Variants in SLC9A9 observed in about 807,000 individuals in gnomAD.
SLC9A9 encodes the protein sodium/hydrogen exchanger 9.
In SLC9A9, 62 loss-of-function variants were observed where a neutral mutation model predicts 77.8. The ratio of observed to expected loss-of-function variants is 0.80; its 90% CI spans 0.65 to 0.98. The LOEUF (loss-of-function observed/expected upper bound fraction) is 0.98, where lower values mean the gene tolerates loss of function less well. SLC9A9 is among the 50% of genes least tolerant of loss of function. SLC9A9 has a pLI of 0.00. For missense variants in SLC9A9, 775 were observed against 774.9 expected, an observed-to-expected ratio of 1.00 and a Z score of 0.00; for synonymous variants, 320 against 283.5, an observed-to-expected ratio of 1.13 and a Z score of -1.29.
At chr3:143,381,008 A>G (rs2108497776) in intron 13 of SLC9A9, among the ~76,000 whole-genome samples, 1 of 152,296 alleles carries the variant, frequency 6.6e-6, no homozygotes, top group African/African-American at 2.4e-5. Context: ...ATGTCTGCCT[A>G]CTTCTAATTT....
At chr3:143,797,197 A>ATATGTATATAAAATATATATAAAAATATG (rs2008409552) in intron 2 of SLC9A9, among the ~76,000 whole-genome samples, 1 of 150,742 alleles carries the variant, frequency 6.6e-6, no homozygotes, top group African/African-American at 2.4e-5. Context: ...TATAAAATAT[A>ATATGTATATAAAATATATATAAAAATATG]TATGTATATA....
At chr3:143,394,832 T>A (rs1394921699) in intron 12 of SLC9A9, among the ~76,000 whole-genome samples, 4 of 152,064 alleles carry the variant, frequency 2.6e-5, no homozygotes, top group African/African-American at 9.7e-5. Context: ...AAATCATGAG[T>A]GAAATCCCAT....
At chr3:143,446,380 C>T (rs1040405142) in intron 12 of SLC9A9, among the ~76,000 whole-genome samples, 1 of 152,036 alleles carries the variant, frequency 6.6e-6, no homozygotes, top group African/African-American at 2.4e-5. Context: ...GAAAGATGAT[C>T]TGCTTAAAGA....
intron 9 of SLC9A9, among the ~76,000 whole-genome samples, chr3:143,524,199 G>C (rs540250784): frequency 1.2e-3 from 184 of 150,528 alleles, no homozygotes; most frequent in African/African-American, 4.3e-3. Context: ...AAAACTAAGA[G>C]AGATCTAACA....
intron 9 of SLC9A9, among the ~76,000 whole-genome samples, chr3:143,536,375 G>A (rs530841999): frequency 2.6e-5 from 4 of 152,234 alleles, no homozygotes; most frequent in Admixed American, 2.0e-4. Flanking sequence ...ATAATAGCCC[G>A]CTGGTTATTG....
chr3:143,414,497 A>T (rs1366445911), intron 12 of SLC9A9, among the ~76,000 whole-genome samples: 1 of 152,192 alleles, frequency 6.6e-6, no homozygotes, highest in Non-Finnish European at 1.5e-5. Context: ...TCTGTATTAC[A>T]CTTTGGTGTT....
chr3:143,629,038 C>T (rs1406224147), intron 6 of SLC9A9, among the ~76,000 whole-genome samples: 2 of 152,140 alleles, frequency 1.3e-5, no homozygotes, highest in East Asian at 1.9e-4. Flanking sequence ...TAAATTATGA[C>T]CATCTCCCTG....
chr3:143,548,924 A>G (rs1008234220), intron 9 of SLC9A9, among the ~76,000 whole-genome samples: 3 of 152,202 alleles, frequency 2.0e-5, no homozygotes, highest in African/African-American at 7.2e-5. Flanking sequence ...TCATCTTTGA[A>G]TTTTATAACT....
intron 9 of SLC9A9, among the ~76,000 whole-genome samples, chr3:143,520,140 G>GCAT (rs947932219): frequency 2.0e-4 from 31 of 152,256 alleles, no homozygotes; most frequent in African/African-American, 7.2e-4. Context: ...TCATCCAAGG[G>GCAT]CATCCTATAG....
rs1933038908 is a variant in SLC9A9, at chr3:143,680,167, CTT to C, written c.649+13023_649+13024del. Among the ~76,000 whole-genome samples, 2 of 151,986 alleles carry C rather than the reference CTT, an allele frequency of 1.3e-5. 1 individual carries two copies. The highest frequency in any genetic ancestry group is 4.2e-4 in the South Asian group (2 of 4,812). ...TTTGAGAGAATAAAAAAGAAAATAA[CTT>C]TGAATCTATACTTTTATGTCTAAAC... is the stretch of plus-strand genomic sequence containing the variant. On this transcript the variant is annotated intron_variant, in intron 5 of 15. Coordinates refer to ENST00000316549, the MANE Select transcript of SLC9A9 (RefSeq NM_173653.4).
At chr3:143,730,967 G>C (rs997127889) in intron 4 of SLC9A9, among the ~76,000 whole-genome samples, 2 of 152,120 alleles carry the variant, frequency 1.3e-5, no homozygotes, top group African/African-American at 4.8e-5. Context: ...TTTTTCATTA[G>C]ATCAACAGAC....
intron 14 of SLC9A9, among the ~76,000 whole-genome samples, chr3:143,283,861 T>G (rs952145357): frequency 6.6e-6 from 1 of 152,206 alleles, no homozygotes; most frequent in Non-Finnish European, 1.5e-5. Flanking sequence ...AATGGAAAGA[T>G]GTACTTTCTA....
At chr3:143,845,042 C>T in intron 1 of SLC9A9, among the ~76,000 whole-genome samples, 1 of 151,996 alleles carries the variant, frequency 6.6e-6, no homozygotes, top group Non-Finnish European at 1.5e-5. Flanking sequence ...ATCCTGAAAG[C>T]TTAACCATAT....
intron 12 of SLC9A9, among the ~76,000 whole-genome samples, chr3:143,463,464 C>T (rs1284805982): frequency 6.6e-6 from 1 of 152,196 alleles, no homozygotes; most frequent in Non-Finnish European, 1.5e-5. Context: ...GGTCGATAAT[C>T]TTGTTTACTG....
intron 2 of SLC9A9, among the ~76,000 whole-genome samples, chr3:143,805,922 G>A (rs912805753): frequency 6.6e-6 from 1 of 152,158 alleles, no homozygotes; most frequent in Non-Finnish European, 1.5e-5. Flanking sequence ...AGAGACTCGA[G>A]TGAAAGAAAT....
intron 1 of SLC9A9, among the ~76,000 whole-genome samples, chr3:143,847,095 T>C (rs1010531557): frequency 2.0e-5 from 3 of 152,170 alleles, no homozygotes; most frequent in Admixed American, 1.3e-4. Context: ...TATACACTGT[T>C]AATATCAGGA....
intron 14 of SLC9A9, among the ~76,000 whole-genome samples, chr3:143,326,612 T>C (rs948648619): frequency 1.3e-5 from 2 of 152,160 alleles, no homozygotes; most frequent in African/African-American, 4.8e-5. Context: ...GGTGGCTCCT[T>C]CTCATTTTCA....
chr3:143,783,901 T>G (rs1487907239), intron 4 of SLC9A9, among the ~76,000 whole-genome samples: 1 of 152,244 alleles, frequency 6.6e-6, no homozygotes, highest in Admixed American at 6.5e-5. Flanking sequence ...TCTCTTCAAC[T>G]GTTTTAGAAA....
In SLC9A9 at chr3:143,635,186, C is replaced by G. The variant is rs1008143965; in HGVS notation, c.755+17069G>C. Among the ~76,000 whole-genome samples, 9 of 152,312 alleles carry G rather than the reference C, an allele frequency of 5.9e-5. No homozygotes were observed. The South Asian group carries it at 1.0e-3, about 18-fold the overall frequency. On this transcript the variant is annotated intron_variant, in intron 6 of 15. Transcript: ENST00000316549. Reference sequence around the variant, plus strand: ...TGGATCGCCCACATGTCTGGCAAGTCTTGCTGGCTGTCGCTCCCTCTCCAG... The same window carrying G: ...TGGATCGCCCACATGTCTGGCAAGTGTTGCTGGCTGTCGCTCCCTCTCCAG...
Sources: allele counts gnomAD v4.1 joint callset (sites outside exome capture counted in the v4.1 genomes callset), GRCh38; gene constraint gnomAD v4.1.1; transcripts MANE v1.5; gene names NCBI Gene and HGNC (gene_info 2026-07-23, HGNC 2026-07-21).